The following TTN variants were observed in gnomAD, a reference collection of about 807,000 sequenced individuals.
The protein encoded by TTN is connectin.
A neutral mutation model predicts 3,223.0 loss-of-function variants in TTN; 1,525 were observed. The ratio of observed to expected loss-of-function variants is 0.47; its 90% CI spans 0.45 to 0.49. TTN has a LOEUF of 0.49. Among genes scored for constraint, TTN ranks in the 20% least tolerant of loss-of-function variants. The pLI is 0.00. For synonymous variants in TTN, 14,094 were observed against 15,161.0 expected, an observed-to-expected ratio of 0.93 and a Z score of 5.17; for missense variants, 40,786 against 43,424.0, an observed-to-expected ratio of 0.94 and a Z score of 5.40.
Position 178,605,046 on chromosome 2 carries a change from G to A in TTN, c.54131C>T (p.Thr18044Ile), listed in dbSNP as rs1434797561. ...GCCAAGGCGATTGGAAGCAGTAACT[G>A]TGTAAGTGCCTTTGTCCTCCCGGAC... The part of the protein sequence containing the change: ...KAVREDKGTY[T>I]VTASNRLGSV... Residue 18044 changes from threonine (T) to isoleucine (I), a missense_variant, in exon 280 of 363, where the codon ACA (threonine) becomes ATA (isoleucine). By Grantham distance (89) the Thr-to-Ile change is moderately conservative (BLOSUM62 -1). Transcript: ENST00000589042. 2.5e-6 allele frequency: 4 copies of A among 1,611,822 alleles called. No homozygotes were observed. The South Asian group carries it at 3.3e-5, about 13-fold the overall frequency.
intron 120 of TTN, 38 bp downstream of exon 120, chr2:178,692,459 G>T: frequency 6.6e-7 from 1 of 1,510,974 alleles, no homozygotes; most frequent in South Asian, 1.2e-5. Context: ...ATACAAGATG[G>T]ATGCTAAGAA....
At chr2:178,725,680 GA>G in intron 70 of TTN, 31 bp from the exon 71 acceptor site, 1 of 1,552,070 alleles carries the variant, frequency 6.4e-7, no homozygotes, top group Non-Finnish European at 8.7e-7. Context: ...GGAAATTGTT[GA>G]AAAGATTGTC....
At position 178,547,823 on chromosome 2, in the gene TTN, T is replaced by G. The variant is rs200766837; in HGVS notation, c.93803A>C (p.Lys31268Thr). The change falls in exon 339 of 363, where the codon AAA becomes ACA. Residue 31268 changes from lysine to threonine, a missense_variant. Coordinates refer to ENST00000589042, the MANE Select transcript of TTN (RefSeq NM_001267550.2). ...ETDRVSITTT[K>T]DRTTLTVKDS... Reference sequence around the variant, plus strand: ...CTTTACAGTCAGTGTGGTTCTGTCTTTTGTTGTTGTAATGCTCACTCGATC... The same window carrying G: ...CTTTACAGTCAGTGTGGTTCTGTCTGTTGTTGTTGTAATGCTCACTCGATC... The G allele has an allele frequency of 3.2e-4, 509 of 1,613,792 alleles. No individual in the cohort carries two copies. Among genetic ancestry groups the G allele is most frequent in the Non-Finnish European group, 3.1e-4 (362 of 1,179,854 alleles).
chr2:178,683,156 G>T, intron 134 of TTN, 55 bp downstream of exon 134: 1 of 1,252,436 alleles, frequency 8.0e-7, no homozygotes, highest in Non-Finnish European at 1.1e-6. Context: ...GGAACTAGAA[G>T]GCAAAGAGCC....
In TTN at chr2:178,741,372, G is replaced by A. The variant is rs1287785786; in HGVS notation, c.11861C>T (p.Pro3954Leu). 5 of 1,613,886 alleles carry A rather than the reference G, an allele frequency of 3.1e-6. No individual in the cohort carries two copies. Among genetic ancestry groups the A allele is most frequent in the Non-Finnish European group, 4.2e-6 (5 of 1,179,836 alleles). Residue 3954 changes from proline to leucine, a missense_variant, in exon 48 of 363, where the codon CCT becomes CTT. Physicochemically the swap from Pro to Leu is moderately conservative, Grantham distance 98. Coordinates refer to ENST00000589042, the MANE Select transcript of TTN (RefSeq NM_001267550.2). ...LKPIRCAQGL[P>L]AIFEYTVVGE... ...AACCACTGTGTACTCAAAGATGGCAGGAAGCCCTTGAGCACAGCGAATTGG... is the reference window on the plus strand; with the variant it reads ...AACCACTGTGTACTCAAAGATGGCAAGAAGCCCTTGAGCACAGCGAATTGG...
chr2:178,701,686 G>A (rs983204817), intron 109 of TTN, 99 bp from the exon 110 acceptor site: 11 of 1,178,734 alleles, frequency 9.3e-6, no homozygotes, highest in Non-Finnish European at 1.2e-5. Context: ...GATATGTCAG[G>A]CATATCTAAT....
At chr2:178,711,858 T>A (rs2076705921) in intron 96 of TTN, 86 bp downstream of exon 96, 1 of 1,477,304 alleles carries the variant, frequency 6.8e-7, no homozygotes, top group African/African-American at 1.4e-5. Context: ...TTGGAAAGAT[T>A]TTCCTAAAAA....
At position 178,679,583 on chromosome 2, in the gene TTN, A is replaced by G. The variant is rs767804703; in HGVS notation, c.33664+16T>C. The stretch of plus-strand genomic sequence containing the variant: ...GATGAAGTCTCTTAGATACCCGTCA[A>G]TGAATGGTGGTGTACCTTTTGCCGG... On this transcript the variant is annotated intron_variant, in intron 141 of 362. Coordinates refer to ENST00000589042, the MANE Select transcript of TTN (RefSeq NM_001267550.2). The G allele has an allele frequency of 1.2e-5, 19 of 1,606,766 alleles. No individual in the cohort carries two copies. In the South Asian group the frequency reaches 1.5e-4, roughly 12 times the overall value.
Position 178,527,297 on chromosome 2 carries a change from A to G in TTN, c.107691T>C (p.Pro35897=). 6.3e-7 allele frequency: 1 copy of G among 1,593,780 alleles called. No homozygotes were observed. The highest frequency in any genetic ancestry group is 8.6e-7 in the Non-Finnish European group (1 of 1,169,262). ...MLKAGIRGIP[P]KIEALPSDIS... is the part of the protein sequence containing the mutation. ...TATCAGATGGAAGAGCTTCAATTTT[A>G]GGCGGAATTCCTTTATGGAACAATG... Residue 35897 remains proline, a synonymous_variant, in exon 363 of 363, where the codon CCT becomes CCC. Coordinates refer to ENST00000589042, the MANE Select transcript of TTN (RefSeq NM_001267550.2).
chr2:178,536,291 T>G lies in TTN; in HGVS notation c.100456A>C (p.Thr33486Pro). Residue 33486 changes from threonine to proline, a missense_variant, in exon 357 of 363, where the codon ACT (threonine) becomes CCT (proline). Coordinates refer to ENST00000589042, the MANE Select transcript of TTN (RefSeq NM_001267550.2). ...TGAATTGGGACATCAGATTTGGGAG[T>G]GATGGGTTCTGATATTTCACTCCAT... ...SEWSEISEPI[T>P]PKSDVPIQAP... 1 of 1,613,638 alleles carries G rather than the reference T, an allele frequency of 6.2e-7. No individual in the cohort carries two copies. Among genetic ancestry groups the G allele is most frequent in the South Asian group, 1.1e-5 (1 of 91,066 alleles).
At chr2:178,676,544 A>C (rs987543432) in intron 147 of TTN, among the ~76,000 whole-genome samples, 8 of 151,906 alleles carry the variant, frequency 5.3e-5, no homozygotes, top group African/African-American at 1.9e-4. Flanking sequence ...CTATTCATTC[A>C]ATGATAGACT....
In TTN at chr2:178,595,792, C is replaced by T; in HGVS notation, c.57562G>A (p.Gly19188Arg). 6.2e-7 allele frequency: 1 copy of T among 1,603,426 alleles called. No homozygotes were observed. Among genetic ancestry groups the T allele is most frequent in the Non-Finnish European group, 8.5e-7 (1 of 1,175,074 alleles). The change falls in exon 295 of 363, where the codon GGA becomes AGA. Residue 19188 changes from glycine (G) to arginine (R), a missense_variant. Gly to Arg is a moderately radical substitution (Grantham distance 125). Coordinates refer to ENST00000589042, the MANE Select transcript of TTN (RefSeq NM_001267550.2). ...VDVLDVPGPV[G>R]TPFLAHNLTN... ...AGGTTGTGAGCTAGGAATGGTGTTC[C>T]AACGGGACCTGGAACATCTGGAAAT...
At chr2:178,580,717 C>A in intron 316 of TTN, 108 bp from the exon 317 acceptor site, 1 of 1,132,114 alleles carries the variant, frequency 8.8e-7, no homozygotes, top group East Asian at 2.6e-5. Context: ...GAGCTGATTT[C>A]TTGTTCTTTA....
rs562434439 is a variant in TTN at position 178,598,674 on chromosome 2, G to A, written c.56963-20C>T. On this transcript the variant is annotated intron_variant, in intron 291 of 362. Coordinates refer to ENST00000589042, the MANE Select transcript of TTN (RefSeq NM_001267550.2). ...GAGGGGCTGCAAAGAGCCAGTATAC[G>A]TTAGTATTCTTGACTTTTCCAAGGC... The A allele has an allele frequency of 1.1e-5, 17 of 1,603,332 alleles. No individual in the cohort carries two copies. The highest frequency in any genetic ancestry group is 3.5e-5 in the Admixed American group (2 of 56,792).
At chr2:178,797,856 T>C (rs1027399553) in intron 6 of TTN, among the ~76,000 whole-genome samples, 1 of 152,172 alleles carries the variant, frequency 6.6e-6, no homozygotes, top group Non-Finnish European at 1.5e-5. Context: ...CCATAAATGC[T>C]TTTGCAGATT....
At chr2:178,780,827 C>A (rs975832741) in intron 21 of TTN, among the ~76,000 whole-genome samples, 1 of 152,188 alleles carries the variant, frequency 6.6e-6, no homozygotes, top group Non-Finnish European at 1.5e-5. Flanking sequence ...CTCACTGTTA[C>A]CTGCCTGGGC....
chr2:178,537,883 C>T lies in TTN; in HGVS notation c.99324G>A (p.Lys33108=). The part of the protein sequence containing the change: ...GEAPGIRKEM[K]DVTTKLGEAA... ...CTTCACCCAATTTTGTGGTAACATC[C>T]TTCATTTCTTTGCGTATTCCTGGGG... Residue 33108 remains lysine (K), a synonymous_variant, in exon 355 of 363, where the codon AAG becomes AAA. Transcript: ENST00000589042. 6.2e-7 allele frequency: 1 copy of T among 1,612,462 alleles called. No homozygotes were observed. The highest frequency in any genetic ancestry group is 8.5e-7 in the Non-Finnish European group (1 of 1,178,936).
At chr2:178,667,589 G>A (rs768419968) in intron 160 of TTN, 49 bp downstream of exon 160, 23 of 1,578,562 alleles carry the variant, frequency 1.5e-5, no homozygotes, top group Non-Finnish European at 1.8e-5. Flanking sequence ...CTTTTTAAAA[G>A]GGGCCAAAAA....
chr2:178,616,724 C>T lies in TTN; in HGVS notation c.48160+5G>A. On this transcript the variant is annotated splice_donor_5th_base_variant and intron_variant, in intron 256 of 362. Transcript: ENST00000589042. Reference sequence around the variant, plus strand: ...ACCTTAGATGATAAATGTTTTGTTCCTTACCAATTACATTGACATCAATTT... The same window carrying T: ...ACCTTAGATGATAAATGTTTTGTTCTTTACCAATTACATTGACATCAATTT... The T allele has an allele frequency of 6.2e-7, 1 of 1,612,294 alleles. No individual in the cohort carries two copies. Among genetic ancestry groups the T allele is most frequent in the Non-Finnish European group, 8.5e-7 (1 of 1,179,082 alleles).
Sources: gnomAD v4.1 joint callset for allele counts (sites outside exome capture counted in the v4.1 genomes callset) on GRCh38, gnomAD v4.1.1 for gene constraint, MANE v1.5 for transcripts, NCBI Gene and HGNC (gene_info 2026-07-23, HGNC 2026-07-21) for gene names.